The following SNTG1 variants were observed in gnomAD, a reference collection of about 807,000 sequenced individuals.
SNTG1 encodes syntrophin gamma 1.
A neutral mutation model predicts 74.7 loss-of-function variants in SNTG1; 39 were observed. The observed-to-expected ratio is 0.52, with a 90% CI of 0.40 to 0.68. The LOEUF (loss-of-function observed/expected upper bound fraction) is 0.68. SNTG1 is among the 30% of genes least tolerant of loss of function. The pLI is 0.00. For missense variants in SNTG1, 685 were observed against 609.5 expected (o/e 1.12, Z -1.30); for synonymous variants, 254 against 217.1 (o/e 1.17, Z -1.49).
chr8:50,357,453 C>T (rs964475046), intron 2 of SNTG1, among the ~76,000 whole-genome samples: 1 of 152,206 alleles, frequency 6.6e-6, no homozygotes, highest in Admixed American at 6.5e-5. Context: ...AGACACAGTT[C>T]CAAATTAAGT....
chr8:50,285,375 C>T (rs1011959800), intron 2 of SNTG1, among the ~76,000 whole-genome samples: 1 of 151,992 alleles, frequency 6.6e-6, no homozygotes, highest in Non-Finnish European at 1.5e-5. Context: ...TTTGTGTGCT[C>T]TAGGTATGAT....
At chr8:50,427,727 T>G (rs1367919370) in intron 4 of SNTG1, among the ~76,000 whole-genome samples, 1 of 152,170 alleles carries the variant, frequency 6.6e-6, no homozygotes, top group Non-Finnish European at 1.5e-5. Context: ...GCACCCAGCC[T>G]CAAATACATT....
chr8:49,967,089 G>C (rs1811209935), intron 1 of SNTG1, among the ~76,000 whole-genome samples: 1 of 152,166 alleles, frequency 6.6e-6, no homozygotes, highest in South Asian at 2.1e-4. Flanking sequence ...CTATTGGCCA[G>C]GCATTGTCCC....
intron 1 of SNTG1, among the ~76,000 whole-genome samples, chr8:50,071,533 C>T (rs1239318596): frequency 6.6e-6 from 1 of 151,934 alleles, no homozygotes; most frequent in Non-Finnish European, 1.5e-5. Context: ...GGCTGGAGTG[C>T]AATGGCGCAA....
intron 2 of SNTG1, among the ~76,000 whole-genome samples, chr8:50,307,346 A>G (rs936357623): frequency 6.6e-6 from 1 of 152,096 alleles, no homozygotes; most frequent in African/African-American, 2.4e-5. Context: ...ACTGTTCAAC[A>G]CAATTAGAAT....
At chr8:50,443,861 C>A (rs1412947212) in intron 5 of SNTG1, among the ~76,000 whole-genome samples, 2 of 152,094 alleles carry the variant, frequency 1.3e-5, no homozygotes, top group African/African-American at 2.4e-5. Flanking sequence ...AGACCAGGCA[C>A]GGTGGCTCAT....
At chr8:50,747,388 G>T (rs2095557532) in intron 17 of SNTG1, among the ~76,000 whole-genome samples, 1 of 151,648 alleles carries the variant, frequency 6.6e-6, no homozygotes, top group Non-Finnish European at 1.5e-5. Flanking sequence ...CTCCACATTT[G>T]TCAAACTAAG....
chr8:50,220,763 T>C (rs2085024422), intron 2 of SNTG1, among the ~76,000 whole-genome samples: 1 of 152,182 alleles, frequency 6.6e-6, no homozygotes, highest in Admixed American at 6.5e-5. Context: ...ATACATGCAG[T>C]AGTGCTTTTC....
intron 1 of SNTG1, among the ~76,000 whole-genome samples, chr8:50,007,671 A>G: frequency 6.6e-6 from 1 of 152,200 alleles, no homozygotes; most frequent in East Asian, 1.9e-4. Flanking sequence ...ATAGGATTTC[A>G]GAGAAGAGTC....
At chr8:50,509,622 G>T (rs1420806693) in intron 9 of SNTG1, among the ~76,000 whole-genome samples, 1 of 152,018 alleles carries the variant, frequency 6.6e-6, no homozygotes, top group Non-Finnish European at 1.5e-5. Context: ...TCCTTGAAGA[G>T]GTCCTTCACA....
Position 50,623,163 on chromosome 8 carries a change from A to G in SNTG1, c.849+32246A>G, listed in dbSNP as rs145541051. 4.2e-4 allele frequency among the ~76,000 whole-genome samples: 64 copies of G among 152,184 alleles called. No individual in the cohort carries two copies. In the East Asian group the frequency reaches 0.011, roughly 27 times the overall value. ...TCTCCTTTACAACTTAGACACATTT[A>G]TTCTTTGTGATCAATTGTTCTGACA... On this transcript the variant is annotated intron_variant, in intron 13 of 18. Transcript: ENST00000642720.
At chr8:49,923,130 A>G (rs1401240770) in intron 1 of SNTG1, among the ~76,000 whole-genome samples, 1 of 152,142 alleles carries the variant, frequency 6.6e-6, no homozygotes, top group Non-Finnish European at 1.5e-5. Flanking sequence ...ACTCAAAGAT[A>G]TCCCACCTTG....
intron 4 of SNTG1, among the ~76,000 whole-genome samples, chr8:50,420,798 G>T (rs564027238): frequency 7.2e-6 from 1 of 138,394 alleles, no homozygotes; most frequent in Non-Finnish European, 1.7e-5. Context: ...AGGCTGAGGC[G>T]GGTGGATCAT....
chr8:50,272,562 G>C (rs542953597), intron 2 of SNTG1, among the ~76,000 whole-genome samples: 10 of 152,110 alleles, frequency 6.6e-5, no homozygotes, highest in Non-Finnish European at 1.3e-4. Flanking sequence ...CTTGCTTGAC[G>C]GGTATAGATG....
chr8:50,045,379 G>A (rs764240960), intron 1 of SNTG1, among the ~76,000 whole-genome samples: 4 of 152,116 alleles, frequency 2.6e-5, no homozygotes, highest in Non-Finnish European at 5.9e-5. Context: ...AGCAGCAAGA[G>A]CCAGAAGGAA....
At chr8:50,121,832 G>A (rs2081007060) in intron 1 of SNTG1, among the ~76,000 whole-genome samples, 2 of 142,232 alleles carry the variant, frequency 1.4e-5, no homozygotes, top group Non-Finnish European at 3.1e-5. Flanking sequence ...CTGCACTCCA[G>A]CCTGGGTGAA....
At chr8:50,278,098 A>G (rs887046697) in intron 2 of SNTG1, among the ~76,000 whole-genome samples, 2 of 152,116 alleles carry the variant, frequency 1.3e-5, no homozygotes, top group African/African-American at 4.8e-5. Context: ...ACTTGAACCC[A>G]GGAGGCAGAG....
At chr8:50,053,631 G>A (rs564985286) in intron 1 of SNTG1, among the ~76,000 whole-genome samples, 106 of 149,358 alleles carry the variant, frequency 7.1e-4, no homozygotes, top group African/African-American at 2.2e-3. Context: ...AATTGTGTGT[G>A]TGTGTGTGTG....
intron 17 of SNTG1, among the ~76,000 whole-genome samples, chr8:50,716,065 G>A (rs1208311556): frequency 6.6e-6 from 1 of 151,842 alleles, no homozygotes; most frequent in Non-Finnish European, 1.5e-5. Flanking sequence ...TTCTCCCAAA[G>A]GTGTATGACC....
Sources: gnomAD v4.1 joint callset for allele counts (sites outside exome capture counted in the v4.1 genomes callset) on GRCh38, gnomAD v4.1.1 for gene constraint, MANE v1.5 for transcripts, NCBI Gene and HGNC (gene_info 2026-07-23, HGNC 2026-07-21) for gene names.